The following TRAP1 variants were observed in gnomAD, a reference collection of about 807,000 sequenced individuals.
TRAP1 encodes the protein heat shock protein 75 kDa, mitochondrial.
In TRAP1, 102 loss-of-function variants were observed where a neutral mutation model predicts 89.1. The observed-to-expected ratio is 1.15, with a 90% CI of 0.98 to 1.35. TRAP1 has a LOEUF of 1.35. Among genes scored for constraint, TRAP1 ranks in the 40% most tolerant of loss-of-function variants. The probability of loss-of-function intolerance (pLI) is 0.00; values close to 1 mark genes in which losing one functional copy is unlikely to be tolerated. For synonymous variants in TRAP1, 508 were observed against 388.0 expected (o/e 1.31, Z -3.64); for missense variants, 1,256 against 945.3 (o/e 1.33, Z -4.31).
intron 4 of TRAP1, among the ~76,000 whole-genome samples, chr16:3,682,679 C>T (rs2051088319): frequency 6.6e-6 from 1 of 152,078 alleles, no homozygotes; most frequent in African/African-American, 2.4e-5. Context: ...AGGCGTGAGC[C>T]ACCATGCCTG....
Position 3,658,065 on chromosome 16 carries a change from G to A in TRAP1, c.*64C>T. On this transcript the variant is annotated 3_prime_UTR_variant, in exon 18 of 18. Transcript: ENST00000246957. ...GGTTAAGAAATACCTTTAAATTTAG[G>A]TAAATAAAGCTCAAGGAGGTGGGGC... 2.5e-6 allele frequency: 4 copies of A among 1,608,578 alleles called. No individual in the cohort carries two copies. The highest frequency in any genetic ancestry group is 3.4e-6 in the Non-Finnish European group (4 of 1,176,430).
chr16:3,674,699 G>A (rs2050964351), intron 8 of TRAP1: 3 of 618,918 alleles, frequency 4.8e-6, no homozygotes, highest in African/African-American at 1.8e-5. Context: ...TCTGGGGCAG[G>A]AGCTCCTCAG....
intron 4 of TRAP1, among the ~76,000 whole-genome samples, chr16:3,680,619 C>T (rs1453104628): frequency 6.6e-6 from 1 of 152,266 alleles, no homozygotes; most frequent in Non-Finnish European, 1.5e-5. Context: ...GCGTTGGAGC[C>T]TCTATCTGGC....
In TRAP1 at chr16:3,717,485, C is replaced by G; in HGVS notation, c.24G>C (p.Leu8=). The change falls in exon 1 of 18, where the codon CTG becomes CTC. Residue 8 remains leucine (L), a synonymous_variant. Transcript: ENST00000246957. The part of the protein sequence containing the change: MARELRA[L]LLWGRRLRPL... ...GCCGCAGGCGGCGGCCCCACAGCAG[C>G]AGCGCCCGCAGCTCGCGCGCCATGT... The G allele has an allele frequency of 7.5e-7, 1 of 1,340,490 alleles. No homozygotes were observed. Among genetic ancestry groups the G allele is most frequent in the East Asian group, 3.3e-5 (1 of 30,594 alleles). The allele number at this position is 1,340,490 out of a possible 1,614,324, so 83.0% of individuals were successfully genotyped here.
chr16:3,682,221 A>C (rs1567233957), intron 4 of TRAP1, among the ~76,000 whole-genome samples: 1 of 152,066 alleles, frequency 6.6e-6, no homozygotes, highest in Non-Finnish European at 1.5e-5. Flanking sequence ...TGGATCATAG[A>C]TCTAAATATA....
chr16:3,676,000 AT>A, intron 7 of TRAP1, 35 bp downstream of exon 7: 1 of 1,573,514 alleles, frequency 6.4e-7, no homozygotes, highest in Non-Finnish European at 8.7e-7. Flanking sequence ...CCACACATGG[AT>A]CCCAGAGTGA....
chr16:3,664,935 C>T lies in TRAP1; in HGVS notation c.1384-476G>A, dbSNP rs1317475134. 4 of 157,878 alleles carry T rather than the reference C, an allele frequency of 2.5e-5. No individual in the cohort carries two copies. The Admixed American group carries it at 2.6e-4, about 10-fold the overall frequency. 9.8% of individuals were successfully genotyped at this position (157,878 alleles called of 1,614,324 possible). A position where few individuals can be genotyped will look rare whatever the true frequency, so the allele number is the denominator to read the frequency against. On this transcript the variant is annotated intron_variant, in intron 12 of 17. Coordinates refer to ENST00000246957, the MANE Select transcript of TRAP1 (RefSeq NM_016292.3). ...AAGGGCCCTTAGGGGAGGGGTTTGC[C>T]CTCCTCCCCATCAGCTGAACGCAGC... is the stretch of plus-strand genomic sequence containing the variant.
In TRAP1 at chr16:3,708,741, G is replaced by A. The variant is rs141227047; in HGVS notation, c.88+8680C>T. Reference sequence around the variant, plus strand: ...TGAGGCGAGAGGACTGCTTAACCTCGGGAGGCGGAGGTTACAGTAAGGTGA... The same window carrying A: ...TGAGGCGAGAGGACTGCTTAACCTCAGGAGGCGGAGGTTACAGTAAGGTGA... On this transcript the variant is annotated intron_variant, in intron 1 of 17. Coordinates refer to ENST00000246957, the MANE Select transcript of TRAP1 (RefSeq NM_016292.3). Among the ~76,000 whole-genome samples, 416 of 151,986 alleles carry A rather than the reference G, an allele frequency of 2.7e-3. 8 individuals carry two copies. In the East Asian group the frequency reaches 0.052, roughly 19 times the overall value.
chr16:3,676,030 G>A lies in TRAP1; in HGVS notation c.814+6C>T, dbSNP rs200337476. 1.5e-3 allele frequency: 2,345 copies of A among 1,610,194 alleles called. 57 individuals carry two copies. In the South Asian group the frequency reaches 0.024, roughly 16 times the overall value. On this transcript the variant is annotated splice_donor_region_variant and intron_variant, in intron 7 of 17. Coordinates refer to ENST00000246957, the MANE Select transcript of TRAP1 (RefSeq NM_016292.3). The stretch of plus-strand genomic sequence containing the variant: ...AGAGTGAGCCTGGGCCCGGGCTCCC[G>A]CTCACCTCGCACCCGGGCCTCGCTG...
At chr16:3,662,415 A>G in intron 15 of TRAP1, 1 of 562,816 alleles carries the variant, frequency 1.8e-6, no homozygotes, top group African/African-American at 1.9e-5. Context: ...ATGCCAGCCC[A>G]CCCTGCATGA....
rs143557692 is a variant in TRAP1 at position 3,666,177 on chromosome 16, A to G, written c.1236-59T>C. The G allele has an allele frequency of 3.1e-4, 476 of 1,554,372 alleles. 3 individuals carry two copies. In the African/African-American group the frequency reaches 4.2e-3, roughly 14 times the overall value. ...CAGCCTCTATGAAATACAAATGGCC[A>G]GAGGGTACGAAAAAATGTTCAGCCC... On this transcript the variant is annotated intron_variant, in intron 11 of 17. Transcript: ENST00000246957.
chr16:3,706,711 T>G (rs1164511559), intron 1 of TRAP1, among the ~76,000 whole-genome samples: 1 of 152,106 alleles, frequency 6.6e-6, no homozygotes, highest in Non-Finnish European at 1.5e-5. Flanking sequence ...TCCTCCTGCC[T>G]TGGCCTCCTG....
Position 3,667,094 on chromosome 16 carries a change from A to C in TRAP1, c.1236-976T>G, listed in dbSNP as rs569820598. 2.0e-5 allele frequency among the ~76,000 whole-genome samples: 3 copies of C among 152,244 alleles called. No individual in the cohort carries two copies. The East Asian group carries it at 5.8e-4, about 29-fold the overall frequency. On this transcript the variant is annotated intron_variant, in intron 11 of 17. Coordinates refer to ENST00000246957, the MANE Select transcript of TRAP1 (RefSeq NM_016292.3). Reference sequence around the variant, plus strand: ...TCGTGCCTGGGAGCGGGGGGACAGTAGCCCAGGATGCGGTGCAGAGCCCAG... The same window carrying C: ...TCGTGCCTGGGAGCGGGGGGACAGTCGCCCAGGATGCGGTGCAGAGCCCAG...
At chr16:3,689,218 A>G (rs2051179019) in intron 2 of TRAP1, 81 bp from the exon 3 acceptor site, 2 of 1,246,472 alleles carry the variant, frequency 1.6e-6, no homozygotes, top group Non-Finnish European at 2.3e-6. Context: ...ATTCCAAAGA[A>G]AGCTTAAGTT....
intron 1 of TRAP1, among the ~76,000 whole-genome samples, chr16:3,709,666 G>A (rs995471324): frequency 1.3e-5 from 2 of 151,972 alleles, no homozygotes; most frequent in Non-Finnish European, 2.9e-5. Context: ...GTGTGTGTGT[G>A]TGAGACGGAG....
chr16:3,676,428 TACCCC>T (rs929199365), intron 6 of TRAP1: 7 of 230,504 alleles, frequency 3.0e-5, no homozygotes, highest in African/African-American at 1.6e-4. Context: ...CTTCTGGGCT[TACCCC>T]AAAAGCAGGC....
At chr16:3,667,036 C>T (rs2050842049) in intron 11 of TRAP1, among the ~76,000 whole-genome samples, 1 of 152,194 alleles carries the variant, frequency 6.6e-6, no homozygotes, top group Non-Finnish European at 1.5e-5. Context: ...CTCAGTCCTT[C>T]AGCCACAGGG....
chr16:3,684,636 A>G (rs1349577707), intron 4 of TRAP1, among the ~76,000 whole-genome samples: 2 of 152,130 alleles, frequency 1.3e-5, no homozygotes, highest in East Asian at 3.9e-4. Flanking sequence ...CTAAAAATAC[A>G]AAAATTAGTT....
chr16:3,705,560 A>T (rs987160591), intron 1 of TRAP1, among the ~76,000 whole-genome samples: 12 of 152,138 alleles, frequency 7.9e-5, no homozygotes, highest in Non-Finnish European at 1.8e-4. Flanking sequence ...GACTTAGCAT[A>T]AAGTCTTTGG....
Sources: gnomAD v4.1 joint callset for allele counts (sites outside exome capture counted in the v4.1 genomes callset) on GRCh38, gnomAD v4.1.1 for gene constraint, MANE v1.5 for transcripts, NCBI Gene and HGNC (gene_info 2026-07-23, HGNC 2026-07-21) for gene names.